ZNF621: variants seen among roughly 807,000 people sequenced by gnomAD.
The protein encoded by ZNF621 is zinc finger protein 621.
Under a neutral mutation model 12.7 loss-of-function variants are expected in ZNF621, and 6 were observed. The ratio of observed to expected loss-of-function variants is 0.47; its 90% confidence interval spans 0.26 to 0.93. ZNF621 has a LOEUF of 0.93. Among genes scored for constraint, ZNF621 ranks in the 40% least tolerant of loss-of-function variants. The pLI, the probability that ZNF621 is intolerant of heterozygous loss-of-function variation, is 0.15. For missense variants in ZNF621, 474 were observed against 524.0 expected (o/e 0.90, Z 0.93); for synonymous variants, 156 against 190.3 (o/e 0.82, Z 1.48).
intron 3 of ZNF621, 80 bp downstream of exon 3, chr3:40,529,525 T>C: frequency 6.3e-7 from 1 of 1,599,702 alleles, no homozygotes; most frequent in Non-Finnish European, 8.5e-7. Flanking sequence ...GCCCTTGGGT[T>C]TGATGACTTC....
intron 2 of ZNF621, among the ~76,000 whole-genome samples, chr3:40,528,796 C>T (rs1698649241): frequency 6.6e-6 from 1 of 152,064 alleles, no homozygotes; most frequent in African/African-American, 2.4e-5. Context: ...TGTATATTTG[C>T]TTTGTTGAGG....
At position 40,535,020 on chromosome 3, in the gene ZNF621, A is replaced by G. The variant is rs1698830823; in HGVS notation, c.*1930A>G. 6.6e-6 allele frequency: 1 copy of G among 152,096 alleles called. No homozygotes were observed. Among genetic ancestry groups the G allele is most frequent in the Non-Finnish European group, 1.5e-5 (1 of 68,024 alleles). 9.4% of individuals were successfully genotyped at this position (152,096 alleles called of 1,614,324 possible). On this transcript the variant is annotated 3_prime_UTR_variant, in exon 5 of 5. Transcript: ENST00000339296. The stretch of plus-strand genomic sequence containing the variant: ...CTGCTTTCCTAGGCCACTACTTTAT[A>G]CTTTCTCTCTTCTGTAACTTCCAAA...
At chr3:40,525,541 C>T (rs1038824582) in intron 1 of ZNF621, 7 of 587,192 alleles carry the variant, frequency 1.2e-5, no homozygotes, top group African/African-American at 7.5e-5. Flanking sequence ...TCAGTTTACC[C>T]GTACGAATGG....
rs1698741290 is a variant in ZNF621, at chr3:40,532,158, A to G, written c.388A>G (p.Lys130Glu). The change falls in exon 5 of 5, where the codon AAG becomes GAG. Residue 130 changes from lysine (K) to glutamate (E), a missense_variant. Physicochemically the swap from Lys to Glu is moderately conservative, Grantham distance 56. Transcript: ENST00000339296. ...NVSQHFDFKRKALKQTFNLNP... is the reference protein window; with the variant it reads ...NVSQHFDFKREALKQTFNLNP... The stretch of plus-strand genomic sequence containing the variant: ...TTCTCAGCACTTTGATTTTAAAAGG[A>G]AGGCACTGAAGCAGACTTTCAATCT... 6.2e-7 allele frequency: 1 copy of G among 1,614,084 alleles called. No individual in the cohort carries two copies. Among genetic ancestry groups the G allele is most frequent in the South Asian group, 1.1e-5 (1 of 91,086 alleles).
At position 40,539,435 on chromosome 3, in the gene ZNF621, TTTAAA is replaced by T. The variant is rs1698950345; in HGVS notation, c.*6351_*6355del. 1 of 152,274 alleles carries T rather than the reference TTTAAA, an allele frequency of 6.6e-6. No homozygotes were observed. Among genetic ancestry groups the T allele is most frequent in the Non-Finnish European group, 1.5e-5 (1 of 68,060 alleles). 9.4% of individuals were successfully genotyped at this position (152,274 alleles called of 1,614,324 possible). A position where few individuals can be genotyped will look rare whatever the true frequency, so the allele number is the denominator to read the frequency against. On this transcript the variant is annotated 3_prime_UTR_variant, in exon 5 of 5. Coordinates refer to ENST00000339296, the MANE Select transcript of ZNF621 (RefSeq NM_198484.5). ...TAACATCTTTTAGCAATAAAATATT[TTTAAA>T]TTAAAGTATGTACATTGTCAGATAT...
At position 40,537,096 on chromosome 3, in the gene ZNF621, C is replaced by T. The variant is rs1698886377; in HGVS notation, c.*4006C>T. The T allele has an allele frequency of 6.6e-6, 1 of 152,138 alleles. No homozygotes were observed. Among genetic ancestry groups the T allele is most frequent in the African/African-American group, 2.4e-5 (1 of 41,428 alleles). The allele number at this position is 152,138 out of a possible 1,614,324, so 9.4% of individuals were successfully genotyped here. ...GTATTGAAATTAGACCAATTGATAA[C>T]CTTACAAACACCTTTAAGTGTTTAA... On this transcript the variant is annotated 3_prime_UTR_variant, in exon 5 of 5. Transcript: ENST00000339296.
rs1698781181 is a variant in ZNF621 at position 40,533,208 on chromosome 3, T to G, written c.*118T>G. On this transcript the variant is annotated 3_prime_UTR_variant, in exon 5 of 5. Transcript: ENST00000339296. The stretch of plus-strand genomic sequence containing the variant: ...CAGGCTAGAGTGCGGTGGTGTGATC[T>G]TGGCTCACTGCAACCTCCCCCTCCT... 1 of 1,434,326 alleles carries G rather than the reference T, an allele frequency of 7.0e-7. No individual in the cohort carries two copies. The highest frequency in any genetic ancestry group is 9.2e-7 in the Non-Finnish European group (1 of 1,092,532). 88.8% of individuals were successfully genotyped at this position (1,434,326 alleles called of 1,614,324 possible).
At chr3:40,529,516 C>T in intron 3 of ZNF621, 71 bp downstream of exon 3, 1 of 1,603,208 alleles carries the variant, frequency 6.2e-7, no homozygotes, top group Non-Finnish European at 8.5e-7. Flanking sequence ...ATTCTAGTAG[C>T]CCTTGGGTTT....
intron 2 of ZNF621, 119 bp from the exon 3 acceptor site, chr3:40,529,200 C>A: frequency 7.9e-7 from 1 of 1,265,752 alleles, no homozygotes; most frequent in Non-Finnish European, 1.1e-6. Flanking sequence ...GTTGAGCAGA[C>A]CTTACATGGG....
chr3:40,532,846 AG>A lies in ZNF621; in HGVS notation c.1077del (p.Gln359HisfsTer21), dbSNP rs1427250465. On this transcript the variant is annotated frameshift_variant, in exon 5 of 5. Coordinates refer to ENST00000339296, the MANE Select transcript of ZNF621 (RefSeq NM_198484.5). LOFTEE classifies it low-confidence loss of function (END_TRUNC). ...CTTGGGCCATCCCTGGTCAGTCCCC[AG>A]TGCTCCTCTCCAGCCATACCTCCTG... ...KVLGPSLVSPQCSSPAIPPVL... is the reference protein window; with the variant it reads ...KVLGPSLVSPXCSSPAIPPVL... 6.2e-7 allele frequency: 1 copy of A among 1,613,738 alleles called. No homozygotes were observed. The highest frequency in any genetic ancestry group is 1.3e-5 in the African/African-American group (1 of 74,930).
chr3:40,529,309 G>T lies in ZNF621; in HGVS notation c.25-10G>T. The T allele has an allele frequency of 6.2e-7, 1 of 1,612,306 alleles. No homozygotes were observed. The highest frequency in any genetic ancestry group is 8.5e-7 in the Non-Finnish European group (1 of 1,178,814). The stretch of plus-strand genomic sequence containing the variant: ...TCACTCAGAGATTGAGCAGGAACCT[G>T]TTGTTTCAGGAGTCAGTGACCTTTG... On this transcript the variant is annotated splice_polypyrimidine_tract_variant and intron_variant, in intron 2 of 4. Transcript: ENST00000339296.
chr3:40,532,171 A>G lies in ZNF621; in HGVS notation c.401A>G (p.Gln134Arg), dbSNP rs1336983170. 6.2e-7 allele frequency: 1 copy of G among 1,614,232 alleles called. No individual in the cohort carries two copies. Residue 134 changes from glutamine to arginine, a missense_variant, in exon 5 of 5, where the codon CAG becomes CGG. Transcript: ENST00000339296. ...GATTTTAAAAGGAAGGCACTGAAGC[A>G]GACTTTCAATCTAAATCCAAATCTG... is the stretch of plus-strand genomic sequence containing the variant. ...HFDFKRKALK[Q>R]TFNLNPNLIL...
At chr3:40,525,943 A>G in intron 2 of ZNF621, 79 bp downstream of exon 2, 1 of 1,548,472 alleles carries the variant, frequency 6.5e-7, no homozygotes, top group Non-Finnish European at 8.8e-7. Flanking sequence ...TAATCAGGAA[A>G]GGATGAGGAA....
intron 2 of ZNF621, 64 bp from the exon 3 acceptor site, chr3:40,529,255 T>G: frequency 3.2e-6 from 5 of 1,578,220 alleles, no homozygotes; most frequent in Non-Finnish European, 4.3e-6. Context: ...TCCCTGAAGC[T>G]CAAGCTGCTC....
intron 3 of ZNF621, 30 bp downstream of exon 3, chr3:40,529,475 C>T (rs1293091774): frequency 1.9e-6 from 3 of 1,610,886 alleles, no homozygotes; most frequent in Non-Finnish European, 1.7e-6. Context: ...CCCTTTGTAA[C>T]AGTTTGCTAT....
chr3:40,531,565 A>T (rs950296988), intron 4 of ZNF621, among the ~76,000 whole-genome samples: 1 of 151,280 alleles, frequency 6.6e-6, no homozygotes, highest in Admixed American at 6.6e-5. Flanking sequence ...CTATGTCATT[A>T]TTTTTCTATT....
intron 4 of ZNF621, among the ~76,000 whole-genome samples, chr3:40,531,696 A>G (rs890116215): frequency 1.3e-5 from 2 of 152,018 alleles, no homozygotes; most frequent in African/African-American, 4.8e-5. Flanking sequence ...CCTAGTAGCT[A>G]GGACCACAGG....
chr3:40,529,603 TTTTG>T (rs761103856), intron 3 of ZNF621, 158 bp downstream of exon 3: 489 of 1,520,266 alleles, frequency 3.2e-4, no homozygotes, highest in South Asian at 3.9e-4. Context: ...TCTCTTTGTT[TTTTG>T]TTTGTTTGTT....
chr3:40,533,547 TTTACA>T lies in ZNF621; in HGVS notation c.*459_*463del, dbSNP rs754526926. 6.8e-5 allele frequency: 11 copies of T among 162,818 alleles called. No homozygotes were observed. The highest frequency in any genetic ancestry group is 1.5e-4 in the Non-Finnish European group (11 of 73,396). 10.1% of individuals were successfully genotyped at this position (162,818 alleles called of 1,614,324 possible). A position where few individuals can be genotyped will look rare whatever the true frequency, so the allele number is the denominator to read the frequency against. ...AATCTATATACATTTAAAGACCGTG[TTTACA>T]TAATCTCTTCTGGGTAGAAAATGGA... On this transcript the variant is annotated 3_prime_UTR_variant, in exon 5 of 5. Transcript: ENST00000339296.
Sources: gnomAD v4.1 joint callset for allele counts (sites outside exome capture counted in the v4.1 genomes callset) on GRCh38, gnomAD v4.1.1 for gene constraint, MANE v1.5 for transcripts, NCBI Gene and HGNC (gene_info 2026-07-23, HGNC 2026-07-21) for gene names.